The following POLA1 variants were observed in gnomAD, a reference collection of about 807,000 sequenced individuals.
POLA1 encodes the protein DNA polymerase alpha 1, catalytic subunit.
In POLA1, 15 loss-of-function variants were observed where a neutral mutation model predicts 124.0. The ratio of observed to expected loss-of-function variants is 0.12; its 90% CI spans 0.08 to 0.19. POLA1 has a LOEUF of 0.19. POLA1 is among the 10% of genes least tolerant of loss of function. POLA1 has a pLI of 1.00. For synonymous variants in POLA1, 408 were observed against 389.4 expected (o/e 1.05, Z -0.56); for missense variants, 886 against 1,103.4 (o/e 0.80, Z 2.79).
chrX:24,794,444 T>A (rs1157625211), intron 26 of POLA1, among the ~76,000 whole-genome samples: 4 of 112,282 alleles, frequency 3.6e-5, no homozygotes, highest in Non-Finnish European at 7.5e-5. Context: ...TTTCTTGTAT[T>A]CCTGTTGTAA....
chrX:24,749,095 C>A, intron 26 of POLA1, 103 bp downstream of exon 26: 2 of 584,758 alleles, frequency 3.4e-6, no homozygotes, highest in Non-Finnish European at 5.6e-6. Flanking sequence ...TGTACAGCAT[C>A]AAATACAGTA....
intron 36 of POLA1, among the ~76,000 whole-genome samples, chrX:24,969,227 G>C (rs188223193): frequency 9.1e-6 from 1 of 109,812 alleles, no homozygotes; most frequent in Non-Finnish European, 1.9e-5. Context: ...AAAAGAATCT[G>C]TAATCTAATG....
intron 26 of POLA1, among the ~76,000 whole-genome samples, chrX:24,798,529 A>G (rs1286104927): frequency 9.0e-6 from 1 of 111,221 alleles, no homozygotes; most frequent in African/African-American, 3.3e-5. Flanking sequence ...TTTTTTCTAT[A>G]GTTTATTTTA....
chrX:24,854,887 T>G (rs1331805218), intron 34 of POLA1, among the ~76,000 whole-genome samples: 3 of 111,370 alleles, frequency 2.7e-5, no homozygotes, highest in Non-Finnish European at 3.8e-5. Flanking sequence ...ATTATTCTTT[T>G]TGGTAGTAAA....
intron 26 of POLA1, among the ~76,000 whole-genome samples, chrX:24,796,277 A>G (rs1897922878): frequency 2.7e-5 from 3 of 111,566 alleles, no homozygotes; most frequent in Non-Finnish European, 5.7e-5. Flanking sequence ...TGCACATGAC[A>G]AAGCAAGGTG....
At chrX:24,735,252 A>G (rs1931200762) in intron 17 of POLA1, 147 bp from the exon 18 acceptor site, 1 of 409,198 alleles carries the variant, frequency 2.4e-6, no homozygotes, top group Middle Eastern at 4.1e-4. Flanking sequence ...GAAACCTACA[A>G]TCAGGAATTT....
chrX:24,707,776 C>T (rs543802302), intron 4 of POLA1, among the ~76,000 whole-genome samples: 2 of 112,140 alleles, frequency 1.8e-5, no homozygotes, highest in African/African-American at 6.5e-5. Context: ...GGCAGATCAC[C>T]TGAAGCCAGG....
intron 36 of POLA1, among the ~76,000 whole-genome samples, chrX:24,950,027 C>T (rs907623338): frequency 1.8e-5 from 2 of 112,027 alleles, no homozygotes; most frequent in South Asian, 7.4e-4. Flanking sequence ...CCACCACGCC[C>T]AGCTACTGTA....
At chrX:24,829,701 G>C (rs979420700) in intron 32 of POLA1, among the ~76,000 whole-genome samples, 1 of 112,036 alleles carries the variant, frequency 8.9e-6, no homozygotes, top group Admixed American at 9.5e-5. Context: ...TAGGGGCTTC[G>C]AGGCCCCTGT....
chrX:24,994,125 C>G (rs925783982), intron 36 of POLA1, among the ~76,000 whole-genome samples: 2 of 112,318 alleles, frequency 1.8e-5, no homozygotes, highest in Non-Finnish European at 3.8e-5. Context: ...TCTGGCCTGC[C>G]GGGAGGCAGC....
chrX:24,904,984 A>T (rs1357213898), intron 35 of POLA1, among the ~76,000 whole-genome samples: 2 of 104,399 alleles, frequency 1.9e-5, no homozygotes, highest in East Asian at 6.0e-4. Flanking sequence ...AGATCGTGCC[A>T]CTGCACTCCA....
chrX:24,810,568 A>G (rs2045882059), intron 27 of POLA1, 140 bp from the exon 28 acceptor site: 2 of 352,328 alleles, frequency 5.7e-6, no homozygotes, highest in Non-Finnish European at 9.9e-6. Context: ...GTATACCCTG[A>G]CAATATAAAT....
At chrX:24,810,901 C>A (rs1184113990) in intron 28 of POLA1, 101 bp downstream of exon 28, 2 of 446,612 alleles carry the variant, frequency 4.5e-6, no homozygotes, top group African/African-American at 2.6e-5. Flanking sequence ...GTGTGTGCTT[C>A]TGAAAATAAT....
At chrX:24,761,201 T>G (rs1476539211) in intron 26 of POLA1, among the ~76,000 whole-genome samples, 1 of 112,340 alleles carries the variant, frequency 8.9e-6, no homozygotes, top group African/African-American at 3.2e-5. Flanking sequence ...TTACCTGTTT[T>G]TATTGGCTTT....
At position 24,771,813 on chromosome X, in the gene POLA1, A is replaced by G. The variant is rs995507374; in HGVS notation, c.2964+22821A>G. The stretch of plus-strand genomic sequence containing the variant: ...AAAAGTTAAAAGCAGTTGAATATCA[A>G]CAGTTTCATGTGATTCATCCTAATG... On this transcript the variant is annotated intron_variant, in intron 26 of 36. Coordinates refer to ENST00000379068, the MANE Select transcript of POLA1 (RefSeq NM_001330360.2). Among the ~76,000 whole-genome samples the G allele has an allele frequency of 2.7e-5, 3 of 111,810 alleles. No homozygotes were observed. In the East Asian group the frequency reaches 8.4e-4, roughly 31 times the overall value.
chrX:24,759,732 A>G (rs185697091), intron 26 of POLA1, among the ~76,000 whole-genome samples: 6 of 112,141 alleles, frequency 5.4e-5, no homozygotes, highest in South Asian at 3.7e-4. Context: ...GATAAATGCT[A>G]TTAAGACTGA....
intron 26 of POLA1, among the ~76,000 whole-genome samples, chrX:24,795,238 G>A (rs759531339): frequency 2.0e-4 from 22 of 111,036 alleles, no homozygotes; most frequent in Non-Finnish European, 4.2e-4. Flanking sequence ...GAACTGATCT[G>A]TAGTTGGTTT....
intron 26 of POLA1, among the ~76,000 whole-genome samples, chrX:24,758,167 A>G (rs1381509795): frequency 8.9e-6 from 1 of 111,773 alleles, no homozygotes; most frequent in Non-Finnish European, 1.9e-5. Context: ...AAATTCAAGT[A>G]TATAGAATAA....
chrX:24,991,288 C>T (rs1248862457), intron 36 of POLA1, among the ~76,000 whole-genome samples: 5 of 104,542 alleles, frequency 4.8e-5, no homozygotes, highest in Non-Finnish European at 9.7e-5. Flanking sequence ...GGGCAATTTT[C>T]TTCCGACATG....
Sources: gnomAD v4.1 joint callset for allele counts (sites outside exome capture counted in the v4.1 genomes callset) on GRCh38, gnomAD v4.1.1 for gene constraint, MANE v1.5 for transcripts, NCBI Gene and HGNC (gene_info 2026-07-23, HGNC 2026-07-21) for gene names.